Variants in CNTN1 observed in about 807,000 individuals in gnomAD.
The protein encoded by CNTN1 is contactin 1, also known as contactin-1.
Under a neutral mutation model 126.4 loss-of-function variants are expected in CNTN1, and 38 were observed. The observed-to-expected ratio is 0.30, with a 90% CI of 0.23 to 0.39. The LOEUF (loss-of-function observed/expected upper bound fraction) is 0.39. Among genes scored for constraint, CNTN1 ranks in the 10% least tolerant of loss-of-function variants. CNTN1 has a pLI of 1.00. For synonymous variants in CNTN1, 413 were observed against 422.6 expected, an observed-to-expected ratio of 0.98 and a Z score of 0.28; for missense variants, 1,009 against 1,248.4, an observed-to-expected ratio of 0.81 and a Z score of 2.89.
intron 23 of CNTN1, among the ~76,000 whole-genome samples, chr12:41,043,051 A>T (rs1473489285): frequency 2.0e-5 from 3 of 152,144 alleles, no homozygotes; most frequent in Non-Finnish European, 2.9e-5. Flanking sequence ...AAAACCCTAG[A>T]AGAAAACCTA....
intron 3 of CNTN1, among the ~76,000 whole-genome samples, chr12:40,914,584 G>C (rs917289825): frequency 1.3e-5 from 2 of 152,124 alleles, no homozygotes; most frequent in Non-Finnish European, 2.9e-5. Context: ...TGAATGTGAC[G>C]TGAAGTGTGT....
At position 40,762,604 on chromosome 12, in the gene CNTN1, G is replaced by A. The variant is rs1388826145; in HGVS notation, c.-77+70012G>A. Among the ~76,000 whole-genome samples, 8 of 152,198 alleles carry A rather than the reference G, an allele frequency of 5.3e-5. No homozygotes were observed. The East Asian group carries it at 1.4e-3, about 26-fold the overall frequency. On this transcript the variant is annotated intron_variant, in intron 1 of 23. Transcript: ENST00000551295. ...CTTTATATAATATATGAGGATAAAC[G>A]TTCTACTGCATAGAATAGTAAAAGA...
chr12:41,017,846 C>G (rs934260073), intron 19 of CNTN1, among the ~76,000 whole-genome samples: 2 of 152,052 alleles, frequency 1.3e-5, no homozygotes, highest in Non-Finnish European at 2.9e-5. Context: ...AATCCCAGCA[C>G]TTAGGGAGGC....
At chr12:40,755,767 G>T (rs935506370) in intron 1 of CNTN1, among the ~76,000 whole-genome samples, 1 of 151,964 alleles carries the variant, frequency 6.6e-6, no homozygotes, top group Non-Finnish European at 1.5e-5. Flanking sequence ...AGAGGGATAA[G>T]ATCTTATGTA....
rs538892046 is a variant in CNTN1, at chr12:40,832,375, A to G, written c.-76-75982A>G. Among the ~76,000 whole-genome samples, 16 of 152,306 alleles carry G rather than the reference A, an allele frequency of 1.1e-4. No homozygotes were observed. In the South Asian group the frequency reaches 2.7e-3, roughly 26 times the overall value. ...GTAGCCCTTGTAATGACATAGAGCA[A>G]CACATTACCTTTTTTCTATGTTTAG... On this transcript the variant is annotated intron_variant, in intron 1 of 23. Coordinates refer to ENST00000551295, the MANE Select transcript of CNTN1 (RefSeq NM_001843.4).
intron 1 of CNTN1, among the ~76,000 whole-genome samples, chr12:40,853,350 C>T (rs1409596552): frequency 6.6e-6 from 1 of 152,058 alleles, no homozygotes; most frequent in Non-Finnish European, 1.5e-5. Context: ...ATCAATGGCT[C>T]CATTATTAGT....
chr12:41,023,312 T>C (rs1482050995), intron 20 of CNTN1, among the ~76,000 whole-genome samples: 11 of 152,172 alleles, frequency 7.2e-5, no homozygotes, highest in Admixed American at 5.9e-4. Flanking sequence ...TTGTGAGCAA[T>C]TGAATTTAAA....
chr12:40,873,800 T>C (rs1401714623), intron 1 of CNTN1, among the ~76,000 whole-genome samples: 1 of 152,186 alleles, frequency 6.6e-6, no homozygotes, highest in East Asian at 1.9e-4. Flanking sequence ...GTCAGTTTAT[T>C]ACTCTGTAGA....
chr12:40,760,782 C>T, intron 1 of CNTN1, among the ~76,000 whole-genome samples: 1 of 151,726 alleles, frequency 6.6e-6, no homozygotes, highest in African/African-American at 2.4e-5. Flanking sequence ...TTATAGGTGA[C>T]AACTTCAAAA....
chr12:41,032,346 C>T (rs930165506), intron 23 of CNTN1, among the ~76,000 whole-genome samples: 13 of 139,060 alleles, frequency 9.3e-5, no homozygotes, highest in Admixed American at 3.1e-4. Context: ...CCAGCCTGGG[C>T]GACAGAGCGA....
At chr12:41,000,133 A>G (rs930614958) in intron 17 of CNTN1, among the ~76,000 whole-genome samples, 68 of 152,350 alleles carry the variant, frequency 4.5e-4, no homozygotes, top group African/African-American at 1.6e-3. Context: ...GGAAAGAGAT[A>G]TTCAATCTAA....
chr12:40,948,819 A>C (rs1946534965), intron 14 of CNTN1, among the ~76,000 whole-genome samples: 1 of 152,140 alleles, frequency 6.6e-6, no homozygotes, highest in African/African-American at 2.4e-5. Context: ...AAATTACTTC[A>C]TTCTCCCTAC....
chr12:40,812,378 T>C (rs1941096949), intron 1 of CNTN1, among the ~76,000 whole-genome samples: 1 of 152,090 alleles, frequency 6.6e-6, no homozygotes, highest in Non-Finnish European at 1.5e-5. Context: ...ATGTTCTGTG[T>C]ATGTCTTGTG....
At chr12:40,998,941 G>A (rs995929863) in intron 17 of CNTN1, among the ~76,000 whole-genome samples, 2 of 152,070 alleles carry the variant, frequency 1.3e-5, no homozygotes, top group Non-Finnish European at 2.9e-5. Flanking sequence ...TAGTCAATAT[G>A]TTTTCAATCA....
chr12:40,954,240 C>T (rs1278050282), intron 14 of CNTN1, among the ~76,000 whole-genome samples: 1 of 151,966 alleles, frequency 6.6e-6, no homozygotes, highest in Non-Finnish European at 1.5e-5. Flanking sequence ...AAAGATTTTA[C>T]TTAATACATT....
At chr12:40,878,369 T>C (rs1367706442) in intron 1 of CNTN1, among the ~76,000 whole-genome samples, 1 of 149,338 alleles carries the variant, frequency 6.7e-6, no homozygotes, top group Non-Finnish European at 1.5e-5. Context: ...GCTCATAAAA[T>C]TACTAAACAT....
chr12:40,859,791 A>G (rs183989787), intron 1 of CNTN1, among the ~76,000 whole-genome samples: 3 of 152,224 alleles, frequency 2.0e-5, no homozygotes, highest in East Asian at 3.9e-4. Context: ...ACTTTATTAT[A>G]AAATTACTTG....
At chr12:40,929,018 G>T (rs1435339733) in intron 6 of CNTN1, among the ~76,000 whole-genome samples, 1 of 151,768 alleles carries the variant, frequency 6.6e-6, no homozygotes, top group African/African-American at 2.4e-5. Context: ...ATCATTTTTT[G>T]ACCTAAAGGT....
chr12:41,058,314 T>C (rs1301935608), intron 23 of CNTN1, among the ~76,000 whole-genome samples: 1 of 152,066 alleles, frequency 6.6e-6, no homozygotes, highest in African/African-American at 2.4e-5. Context: ...ACTGTCAAGA[T>C]AAATGAGTAT....
Sources: gnomAD v4.1 joint callset for allele counts (sites outside exome capture counted in the v4.1 genomes callset) on GRCh38, gnomAD v4.1.1 for gene constraint, MANE v1.5 for transcripts, NCBI Gene and HGNC (gene_info 2026-07-23, HGNC 2026-07-21) for gene names.